The following TBC1D5 variants were observed in gnomAD, a reference collection of about 807,000 sequenced individuals.
TBC1D5 encodes TBC1 domain family, member 5.
TBC1D5 carries 75 observed loss-of-function variants against 100.3 expected under a neutral mutation model. The observed-to-expected ratio is 0.75, with a 90% CI of 0.62 to 0.91. The LOEUF (loss-of-function observed/expected upper bound fraction) is 0.91. Among genes scored for constraint, TBC1D5 ranks in the 40% least tolerant of loss-of-function variants. The pLI is 0.00. For missense variants in TBC1D5, 910 were observed against 942.4 expected, an observed-to-expected ratio of 0.97 and a Z score of 0.45; for synonymous variants, 323 against 325.6, an observed-to-expected ratio of 0.99 and a Z score of 0.09.
chr3:17,362,596 CA>C (rs2091819621), intron 13 of TBC1D5, among the ~76,000 whole-genome samples: 1 of 151,948 alleles, frequency 6.6e-6, no homozygotes, highest in African/African-American at 2.4e-5. Flanking sequence ...CTCAGCCTCC[CA>C]AGTAGTTGAG....
chr3:17,717,332 A>G (rs2075325473), intron 1 of TBC1D5, among the ~76,000 whole-genome samples: 1 of 152,170 alleles, frequency 6.6e-6, no homozygotes, highest in South Asian at 2.1e-4. Context: ...ATTTAATACT[A>G]TCAAACTTTC....
chr3:17,480,630 G>A (rs960126801), intron 3 of TBC1D5, among the ~76,000 whole-genome samples: 1 of 152,042 alleles, frequency 6.6e-6, no homozygotes, highest in Admixed American at 6.6e-5. Flanking sequence ...CATTCATTAG[G>A]ACAACCTGCT....
chr3:17,199,212 G>A (rs2071128955), intron 18 of TBC1D5, among the ~76,000 whole-genome samples: 1 of 152,186 alleles, frequency 6.6e-6, no homozygotes, highest in Non-Finnish European at 1.5e-5. Flanking sequence ...CAAAAAAGAA[G>A]TCTGGTCATA....
At chr3:17,365,223 G>T (rs1232729607) in intron 13 of TBC1D5, among the ~76,000 whole-genome samples, 2 of 151,784 alleles carry the variant, frequency 1.3e-5, no homozygotes, top group Non-Finnish European at 2.9e-5. Context: ...TTTTCCTCTT[G>T]CTTGAATTAT....
intron 3 of TBC1D5, among the ~76,000 whole-genome samples, chr3:17,432,909 G>C (rs1350103471): frequency 1.3e-5 from 2 of 152,102 alleles, no homozygotes; most frequent in Admixed American, 1.3e-4. Context: ...AAAACAAAAA[G>C]TAACTTTTAG....
chr3:17,298,977 T>C (rs982584040), intron 14 of TBC1D5, among the ~76,000 whole-genome samples: 1 of 152,230 alleles, frequency 6.6e-6, no homozygotes, highest in African/African-American at 2.4e-5. Flanking sequence ...TTTCTATACA[T>C]ACATACCTAT....
chr3:17,173,590 G>A (rs1401615177), intron 19 of TBC1D5, among the ~76,000 whole-genome samples: 3 of 152,142 alleles, frequency 2.0e-5, no homozygotes, highest in Non-Finnish European at 4.4e-5. Flanking sequence ...GATTAGATGA[G>A]ATAATCAAAG....
At chr3:17,374,381 CTA>C (rs1186269329) in intron 12 of TBC1D5, 88 bp downstream of exon 12, 4 of 1,229,986 alleles carry the variant, frequency 3.3e-6, no homozygotes, top group Non-Finnish European at 4.5e-6. Flanking sequence ...ATAATAAAGG[CTA>C]TATACTATTC....
chr3:17,264,490 C>A (rs539028769), intron 15 of TBC1D5, among the ~76,000 whole-genome samples: 2 of 152,290 alleles, frequency 1.3e-5, no homozygotes, highest in East Asian at 3.9e-4. Flanking sequence ...ATATCAATTC[C>A]AGAGATGCCT....
chr3:17,655,677 C>A (rs1046306809), intron 1 of TBC1D5, among the ~76,000 whole-genome samples: 1 of 151,932 alleles, frequency 6.6e-6, no homozygotes, highest in Non-Finnish European at 1.5e-5. Flanking sequence ...ACTTTTTGAA[C>A]GCTGATGTGA....
chr3:17,717,375 T>C (rs2075330619), intron 1 of TBC1D5, among the ~76,000 whole-genome samples: 1 of 152,160 alleles, frequency 6.6e-6, no homozygotes. Flanking sequence ...TGCGTAACTA[T>C]AATGAGAGCT....
intron 14 of TBC1D5, among the ~76,000 whole-genome samples, chr3:17,304,600 T>G (rs2083208315): frequency 2.0e-5 from 3 of 152,124 alleles, no homozygotes; most frequent in Admixed American, 6.5e-5. Flanking sequence ...GAGATGGGGT[T>G]TCACCACGTG....
chr3:17,330,533 C>A (rs760427467), intron 13 of TBC1D5, among the ~76,000 whole-genome samples: 1 of 152,050 alleles, frequency 6.6e-6, no homozygotes, highest in Non-Finnish European at 1.5e-5. Flanking sequence ...ATTCTCAACA[C>A]GTGGCCACGG....
rs561747642 is a variant in TBC1D5, at chr3:17,530,881, C to T, written c.-35-22276G>A. 5.3e-3 allele frequency among the ~76,000 whole-genome samples: 803 copies of T among 152,204 alleles called. 10 individuals are homozygous for T. Among genetic ancestry groups the T allele is most frequent in the African/African-American group, 0.016 (654 of 41,512 alleles). ...GACAAACCCACAGCCAATATCATAC[C>T]GAATGGACAAAAACTGGAAGCATTC... On this transcript the variant is annotated intron_variant, in intron 2 of 21. Coordinates refer to ENST00000253692, the Ensembl canonical transcript of TBC1D5.
intron 13 of TBC1D5, among the ~76,000 whole-genome samples, chr3:17,347,864 G>T (rs2090099409): frequency 1.3e-5 from 2 of 152,124 alleles, no homozygotes; most frequent in Admixed American, 6.5e-5. Context: ...TTAGTCAGGT[G>T]TGGAGACACA....
chr3:17,463,943 CTTTTTTTT>C (rs1025162858), intron 3 of TBC1D5, among the ~76,000 whole-genome samples: 4 of 87,530 alleles, frequency 4.6e-5, no homozygotes, highest in African/African-American at 9.4e-5. Context: ...TTCCTTATTC[CTTTTTTTT>C]TTTTTTTTTT....
At position 17,400,635 on chromosome 3, in the gene TBC1D5, G is replaced by A. The variant is rs561417499; in HGVS notation, c.509+2546C>T. ...TGTTCCTGGGTGTGTCTGTGAGGGT[G>A]TTGCCAAAGGAGATTAAAATTTGAG... On this transcript the variant is annotated intron_variant, in intron 8 of 21. Coordinates refer to ENST00000253692, the Ensembl canonical transcript of TBC1D5. 6.6e-5 allele frequency among the ~76,000 whole-genome samples: 10 copies of A among 152,194 alleles called. No individual in the cohort carries two copies. The South Asian group carries it at 1.7e-3, about 25-fold the overall frequency.
At chr3:17,430,766 T>C (rs1330174339) in intron 3 of TBC1D5, among the ~76,000 whole-genome samples, 1 of 151,858 alleles carries the variant, frequency 6.6e-6, no homozygotes, top group East Asian at 1.9e-4. Context: ...GACTCTTATT[T>C]TGGAAGGAAA....
intron 1 of TBC1D5, among the ~76,000 whole-genome samples, chr3:17,738,308 C>T (rs2077125441): frequency 6.6e-6 from 1 of 152,124 alleles, no homozygotes; most frequent in South Asian, 2.1e-4. Flanking sequence ...TATGATCTAC[C>T]ACACTGTAGA....
Sources: allele counts gnomAD v4.1 joint callset (sites outside exome capture counted in the v4.1 genomes callset), GRCh38; gene constraint gnomAD v4.1.1; transcripts MANE v1.5; gene names NCBI Gene and HGNC (gene_info 2026-07-23, HGNC 2026-07-21).